The following SANBR variants were observed in gnomAD, a reference collection of about 807,000 sequenced individuals.
The protein encoded by SANBR is SANT and BTB domain regulator of CSR.
SANBR carries 77 observed loss-of-function variants against 101.8 expected under a neutral mutation model. The observed-to-expected ratio is 0.76, with a 90% confidence interval of 0.63 to 0.91. The LOEUF (loss-of-function observed/expected upper bound fraction) is 0.91, where lower values mean the gene tolerates loss of function less well. Among genes scored for constraint, SANBR ranks in the 40% least tolerant of loss-of-function variants. The pLI is 0.00. For missense variants in SANBR, 875 were observed against 853.0 expected, an observed-to-expected ratio of 1.03 and a Z score of -0.32; for synonymous variants, 279 against 274.7, an observed-to-expected ratio of 1.02 and a Z score of -0.15.
intron 12 of SANBR, among the ~76,000 whole-genome samples, chr2:61,102,795 C>G (rs1207713912): frequency 6.6e-6 from 1 of 151,984 alleles, no homozygotes; most frequent in Non-Finnish European, 1.5e-5. Flanking sequence ...GCCTCAGCCT[C>G]CCAGAGTGCT....
intron 14 of SANBR, among the ~76,000 whole-genome samples, chr2:61,107,581 G>A (rs1226645410): frequency 6.6e-6 from 1 of 152,168 alleles, no homozygotes; most frequent in African/African-American, 2.4e-5. Context: ...TCCCTGTGAA[G>A]TGCTTTATAA....
At chr2:61,106,723 T>A in intron 14 of SANBR, 61 bp downstream of exon 14, 1 of 1,032,436 alleles carries the variant, frequency 9.7e-7, no homozygotes, top group East Asian at 2.5e-5. Flanking sequence ...ATTTAATCTT[T>A]GACAGGAACC....
At chr2:61,107,216 T>G (rs1354830039) in intron 14 of SANBR, among the ~76,000 whole-genome samples, 3 of 152,118 alleles carry the variant, frequency 2.0e-5, no homozygotes, top group Non-Finnish European at 4.4e-5. Flanking sequence ...TTTAAGGTTT[T>G]TATTATGGAC....
chr2:61,123,302 C>T lies in SANBR; in HGVS notation c.*1140C>T, dbSNP rs1366140957. 3 of 979,546 alleles carry T rather than the reference C, an allele frequency of 3.1e-6. No individual in the cohort carries two copies. The highest frequency in any genetic ancestry group is 3.6e-6 in the Non-Finnish European group (3 of 824,648). 60.7% of individuals were successfully genotyped at this position (979,546 alleles called of 1,614,324 possible). A position where few individuals can be genotyped will look rare whatever the true frequency, so the allele number is the denominator to read the frequency against. ...TTCTTCAAATTATTCAGAGAACAGA[C>T]TTTAATAATGTGTGACAAAAGAGCA... On this transcript the variant is annotated 3_prime_UTR_variant, in exon 22 of 22. Coordinates refer to ENST00000402291, the MANE Select transcript of SANBR (RefSeq NM_001129993.3).
chr2:61,083,136 T>C lies in SANBR; in HGVS notation c.730-18T>C, dbSNP rs146775696. On this transcript the variant is annotated intron_variant, in intron 7 of 21. Transcript: ENST00000402291. Reference sequence around the variant, plus strand: ...TTCATGCTACTATTTTCGACATTTATTTTCTATGATTTTTTAGGTTGAACA... The same window carrying C: ...TTCATGCTACTATTTTCGACATTTACTTTCTATGATTTTTTAGGTTGAACA... The C allele has an allele frequency of 6.3e-7, 1 of 1,579,778 alleles. No homozygotes were observed. The highest frequency in any genetic ancestry group is 8.7e-7 in the Non-Finnish European group (1 of 1,153,968).
chr2:61,124,390 G>A, downstream of SANBR: 1 of 456,268 alleles, frequency 2.2e-6, no homozygotes, highest in Non-Finnish European at 2.9e-6. Context: ...GCTACAAGGT[G>A]AAATTTTTGA....
rs1199610151 is a variant in SANBR, at chr2:61,105,574, A to G, written c.1512-989A>G. ...GTAGAGACAGGGTTTCACCATGTTG[A>G]CTAGGTTGGTCTCGAACTCGTGACC... is the stretch of plus-strand genomic sequence containing the variant. On this transcript the variant is annotated intron_variant, in intron 13 of 21. Transcript: ENST00000402291. Among the ~76,000 whole-genome samples, 3 of 151,518 alleles carry G rather than the reference A, an allele frequency of 2.0e-5. No homozygotes were observed. The East Asian group carries it at 5.9e-4, about 30-fold the overall frequency.
chr2:61,088,519 AGTTGTT>A (rs200611802), intron 10 of SANBR, 51 bp downstream of exon 10: 5 of 1,097,510 alleles, frequency 4.6e-6, no homozygotes, highest in Admixed American at 3.0e-5. Context: ...ATATATATAT[AGTTGTT>A]GTTGTTGTTT....
At chr2:61,078,789 A>C (rs1033414478) in intron 6 of SANBR, among the ~76,000 whole-genome samples, 1 of 151,970 alleles carries the variant, frequency 6.6e-6, no homozygotes, top group Non-Finnish European at 1.5e-5. Flanking sequence ...TGGTAGTCCC[A>C]GCACTTTGAC....
At chr2:61,113,945 G>C (rs549745109) in intron 16 of SANBR, among the ~76,000 whole-genome samples, 2 of 152,094 alleles carry the variant, frequency 1.3e-5, no homozygotes, top group African/African-American at 4.8e-5. Context: ...TTTTTATAGC[G>C]AATAGGTGTT....
At chr2:61,112,737 G>A (rs567725181) in intron 16 of SANBR, among the ~76,000 whole-genome samples, 28 of 152,204 alleles carry the variant, frequency 1.8e-4, no homozygotes, top group African/African-American at 5.8e-4. Context: ...CAGGTGATCC[G>A]CCTGCCTCGG....
intron 15 of SANBR, among the ~76,000 whole-genome samples, 187 bp downstream of exon 15, chr2:61,108,536 A>C (rs1378411842): frequency 1.3e-5 from 2 of 152,210 alleles, no homozygotes. Context: ...CTCATATTCC[A>C]TGTCTGGCTG....
rs573856546 is a variant in SANBR, at chr2:61,094,077, G to A, written c.1212+1490G>A. The A allele has an allele frequency of 5.1e-6, 5 of 983,712 alleles. No individual in the cohort carries two copies. In the Admixed American group the frequency reaches 1.8e-4, roughly 36 times the overall value. 60.9% of individuals were successfully genotyped at this position (983,712 alleles called of 1,614,324 possible). On this transcript the variant is annotated intron_variant, in intron 11 of 21. Transcript: ENST00000402291. Reference sequence around the variant, plus strand: ...CAGCTTGTCAAAATCTTCAGATTGGGATTTTAAACTGTTTAAGTTCCCACT... The same window carrying A: ...CAGCTTGTCAAAATCTTCAGATTGGAATTTTAAACTGTTTAAGTTCCCACT...
At chr2:61,132,724 A>C (rs1345603256) in intron 20 of SANBR, among the ~76,000 whole-genome samples, 1 of 152,246 alleles carries the variant, frequency 6.6e-6, no homozygotes, top group Non-Finnish European at 1.5e-5. Flanking sequence ...TAGCAACACT[A>C]TTCACAATAG....
chr2:61,126,184 T>C (rs2104982609), downstream of SANBR, among the ~76,000 whole-genome samples: 1 of 152,346 alleles, frequency 6.6e-6, no homozygotes, highest in South Asian at 2.1e-4. Context: ...ATTCAGTAAA[T>C]GGCATTATTG....
chr2:61,129,288 A>G (rs1179309152), intron 20 of SANBR, among the ~76,000 whole-genome samples: 2 of 152,020 alleles, frequency 1.3e-5, no homozygotes, highest in Admixed American at 6.6e-5. Context: ...TACTAAAAAT[A>G]CAAAAATTAT....
At chr2:61,127,153 T>TCTTC (rs1281399025), downstream of SANBR, among the ~76,000 whole-genome samples, 1 of 152,192 alleles carries the variant, frequency 6.6e-6, no homozygotes, top group African/African-American at 2.4e-5. Flanking sequence ...AGAGACCTGG[T>TCTTC]CTTCTTGACT....
intron 6 of SANBR, among the ~76,000 whole-genome samples, chr2:61,079,726 A>G (rs1010059576): frequency 6.6e-6 from 1 of 152,188 alleles, no homozygotes; most frequent in African/African-American, 2.4e-5. Flanking sequence ...AACATGGTGA[A>G]ACCCTGTCAC....
intron 11 of SANBR, among the ~76,000 whole-genome samples, chr2:61,095,055 G>C (rs1409397009): frequency 6.6e-6 from 1 of 152,160 alleles, no homozygotes; most frequent in Non-Finnish European, 1.5e-5. Flanking sequence ...ATTTCTACCA[G>C]CTACATATGA....
Sources: gnomAD v4.1 joint callset for allele counts (sites outside exome capture counted in the v4.1 genomes callset) on GRCh38, gnomAD v4.1.1 for gene constraint, MANE v1.5 for transcripts, NCBI Gene and HGNC (gene_info 2026-07-23, HGNC 2026-07-21) for gene names.